CCDC30: variants seen among roughly 807,000 people sequenced by gnomAD.
The protein encoded by CCDC30 is coiled-coil domain containing 30, also known as coiled-coil domain-containing protein 30.
A neutral mutation model predicts 100.2 loss-of-function variants in CCDC30; 70 were observed. The ratio of observed to expected loss-of-function variants is 0.70; its 90% confidence interval spans 0.58 to 0.85. CCDC30 has a LOEUF of 0.85. Among genes scored for constraint, CCDC30 ranks in the 40% least tolerant of loss-of-function variants. The pLI is 0.00. For synonymous variants in CCDC30, 233 were observed against 269.5 expected (o/e 0.86, Z 1.33); for missense variants, 652 against 771.2 (o/e 0.85, Z 1.83).
At chr1:42,456,794 G>A in the CCDC30 span, 30 of 1,613,074 alleles carry the variant, frequency 1.9e-5, no homozygotes, top group African/African-American at 5.3e-5. Flanking sequence ...CCTAGCCGCC[G>A]GCTACGGGGT....
chr1:42,646,172 G>A, exon 15 of CCDC30: 2 of 1,602,874 alleles, frequency 1.2e-6, no homozygotes, highest in Non-Finnish European at 1.7e-6. Context: ...TGGTGGCATA[G>A]AGGCAAGCTG....
At chr1:42,610,646 A>G (rs1264969504) in intron 10 of CCDC30, among the ~76,000 whole-genome samples, 1 of 152,098 alleles carries the variant, frequency 6.6e-6, no homozygotes, top group Non-Finnish European at 1.5e-5. Flanking sequence ...CCTGGTCTCA[A>G]ACTCCTGAGC....
At chr1:42,461,961 C>A (rs1643423824), upstream of CCDC30, among the ~76,000 whole-genome samples, 1 of 152,168 alleles carries the variant, frequency 6.6e-6, no homozygotes, top group Non-Finnish European at 1.5e-5. Context: ...AGAATATGTT[C>A]TTCTCTGCAT....
chr1:42,457,576 A>G, the CCDC30 span: 1 of 566,268 alleles, frequency 1.8e-6, no homozygotes, highest in Non-Finnish European at 3.2e-6. Context: ...AGGTATGTAC[A>G]AAGTGCAGTC....
chr1:42,482,715 G>T, exon 3 of CCDC30: 1 of 1,234,140 alleles, frequency 8.1e-7, no homozygotes, highest in Non-Finnish European at 1.0e-6. Flanking sequence ...TGCCTAGGAA[G>T]AGGAATGGAA....
chr1:42,624,364 T>C (rs1480961892), intron 11 of CCDC30, among the ~76,000 whole-genome samples: 2 of 152,234 alleles, frequency 1.3e-5, no homozygotes, highest in Admixed American at 6.5e-5. Flanking sequence ...ATTCTGTTGA[T>C]ATAATGTATC....
At chr1:42,516,855 C>T (rs1382167594) in intron 6 of CCDC30, among the ~76,000 whole-genome samples, 1 of 152,044 alleles carries the variant, frequency 6.6e-6, no homozygotes, top group African/African-American at 2.4e-5. Context: ...ATTTGCATTT[C>T]CCTAGTGATT....
At chr1:42,477,268 C>A (rs1444037982) in intron 1 of CCDC30, among the ~76,000 whole-genome samples, 1 of 152,136 alleles carries the variant, frequency 6.6e-6, no homozygotes, top group Non-Finnish European at 1.5e-5. Context: ...CTCACTCTTT[C>A]ACCCAGGCTG....
chr1:42,461,315 C>G (rs546845395), upstream of CCDC30, among the ~76,000 whole-genome samples: 55 of 152,226 alleles, frequency 3.6e-4, no homozygotes, highest in Admixed American at 1.2e-3. Flanking sequence ...CAAGACTGTT[C>G]TGGAAGCAGC....
chr1:42,607,029 C>A (rs1001938570), intron 10 of CCDC30, among the ~76,000 whole-genome samples: 2 of 152,146 alleles, frequency 1.3e-5, no homozygotes, highest in Non-Finnish European at 2.9e-5. Flanking sequence ...AAGGGCATAT[C>A]TATAGATTCT....
rs532009410 is a variant in CCDC30 at position 42,495,980 on chromosome 1, G to A, written c.242-1118G>A. Among the ~76,000 whole-genome samples, 6 of 152,266 alleles carry A rather than the reference G, an allele frequency of 3.9e-5. No homozygotes were observed. In the South Asian group the frequency reaches 1.2e-3, roughly 32 times the overall value. On this transcript the variant is annotated intron_variant, in intron 4 of 16. Coordinates refer to ENST00000668663, the Ensembl canonical transcript of CCDC30. ...ATTGTTAAATAAGTGACTATACGAG[G>A]CATACTTTGCAGCTGTTAAAGACGA...
intron 2 of CCDC30, 134 bp from the exon 3 acceptor site, chr1:42,482,529 A>G: frequency 2.2e-6 from 1 of 449,456 alleles, no homozygotes; most frequent in Non-Finnish European, 3.6e-6. Context: ...ACACACACAC[A>G]CTCACACACA....
intron 10 of CCDC30, among the ~76,000 whole-genome samples, chr1:42,610,114 C>T (rs913426624): frequency 5.9e-5 from 9 of 152,160 alleles, no homozygotes. Flanking sequence ...GGCTAGCCCA[C>T]CTCACAATCC....
intron 6 of CCDC30, among the ~76,000 whole-genome samples, chr1:42,547,803 A>G (rs1321097680): frequency 2.6e-5 from 4 of 152,122 alleles, no homozygotes; most frequent in South Asian, 2.1e-4. Flanking sequence ...TTGTGTATCT[A>G]CCATGTGTCA....
At chr1:42,577,269 A>T in intron 8 of CCDC30, 40 bp downstream of exon 12, 1 of 1,238,298 alleles carries the variant, frequency 8.1e-7, no homozygotes. Context: ...TACACTGAAT[A>T]CCACTACTGA....
rs1424648851 is a variant in CCDC30 at position 42,545,161 on chromosome 1, TTAAAA to T, written c.457-21134_457-21130del. 3.3e-3 allele frequency among the ~76,000 whole-genome samples: 215 copies of T among 64,922 alleles called. 1 individual carries two copies. Among genetic ancestry groups the T allele is most frequent in the Middle Eastern group, 0.019 (2 of 106 alleles). The allele number at this position is 64,922 out of a possible 152,430, so 42.6% of individuals were successfully genotyped here. A position where few individuals can be genotyped will look rare whatever the true frequency, so the allele number is the denominator to read the frequency against. ...CCAACCCCAGAGTCCAAAAATACCT[TTAAAA>T]AAAAAAAAAAAAAAAAAAAAAAGGG... On this transcript the variant is annotated intron_variant, in intron 6 of 16. Transcript: ENST00000668663.
intron 6 of CCDC30, among the ~76,000 whole-genome samples, chr1:42,526,642 T>C (rs113638144): frequency 0.029 from 4,358 of 152,258 alleles, 220 homozygotes; most frequent in African/African-American, 0.099. Context: ...TAATGTTCTG[T>C]GGTTTAAAAT....
At chr1:42,549,927 A>G (rs921537731) in intron 6 of CCDC30, among the ~76,000 whole-genome samples, 3 of 152,174 alleles carry the variant, frequency 2.0e-5, no homozygotes, top group African/African-American at 7.2e-5. Context: ...ATTTCATTGC[A>G]TCGTTTCTAC....
At chr1:42,456,235 C>G in the CCDC30 span, 1 of 608,100 alleles carries the variant, frequency 1.6e-6, no homozygotes, top group African/African-American at 1.9e-5. Context: ...AAACGACTCC[C>G]AAGGAGTCCA....
Sources: gnomAD v4.1 joint callset for allele counts (sites outside exome capture counted in the v4.1 genomes callset) on GRCh38, gnomAD v4.1.1 for gene constraint, MANE v1.5 for transcripts, NCBI Gene and HGNC (gene_info 2026-07-23, HGNC 2026-07-21) for gene names.